The following CSMD1 variants were observed in gnomAD, a reference collection of about 807,000 sequenced individuals.
The protein encoded by CSMD1 is CUB and sushi domain-containing protein 1.
In CSMD1, 213 loss-of-function variants were observed where a neutral mutation model predicts 417.5. That is an observed-to-expected ratio of 0.51 (90% confidence interval 0.46 to 0.57). The LOEUF is 0.57. Among genes scored for constraint, CSMD1 ranks in the 20% least tolerant of loss-of-function variants. CSMD1 has a pLI of 0.00. For synonymous variants in CSMD1, 2,862 were observed against 1,736.8 expected, an observed-to-expected ratio of 1.65 and a Z score of -16.11; for missense variants, 6,923 against 4,529.7, an observed-to-expected ratio of 1.53 and a Z score of -15.17.
chr8:4,951,586 A>T (rs1808752027), intron 1 of CSMD1, among the ~76,000 whole-genome samples: 2 of 134,758 alleles, frequency 1.5e-5, no homozygotes, highest in African/African-American at 5.0e-5. Context: ...AAGAAGCAAA[A>T]AAAAAAGAAA....
At chr8:4,164,598 T>C (rs1187540907) in intron 3 of CSMD1, among the ~76,000 whole-genome samples, 3 of 152,150 alleles carry the variant, frequency 2.0e-5, no homozygotes, top group Non-Finnish European at 4.4e-5. Context: ...ATAGTAGTAA[T>C]TTATTTAGGT....
intron 3 of CSMD1, among the ~76,000 whole-genome samples, chr8:4,183,449 G>T (rs927468639): frequency 1.3e-5 from 2 of 152,122 alleles, no homozygotes; most frequent in Non-Finnish European, 2.9e-5. Flanking sequence ...ATAATTTTTA[G>T]CCCCTCAATG....
chr8:4,929,636 G>A (rs1271990264), intron 1 of CSMD1, among the ~76,000 whole-genome samples: 1 of 152,060 alleles, frequency 6.6e-6, no homozygotes, highest in Admixed American at 6.5e-5. Context: ...ATTTTCATCT[G>A]ATTCAATTAA....
intron 2 of CSMD1, among the ~76,000 whole-genome samples, chr8:4,604,834 G>A (rs997283022): frequency 6.6e-6 from 1 of 152,198 alleles, no homozygotes; most frequent in African/African-American, 2.4e-5. Context: ...CCAAGGATCT[G>A]TCAGTATAGT....
intron 2 of CSMD1, among the ~76,000 whole-genome samples, chr8:4,508,497 CT>C (rs770888901): frequency 6.6e-6 from 1 of 152,084 alleles, no homozygotes; most frequent in Non-Finnish European, 1.5e-5. Context: ...TATTTTCTTT[CT>C]TTTTAATAAA....
At chr8:2,983,532 A>G (rs1805604008) in intron 54 of CSMD1, among the ~76,000 whole-genome samples, 1 of 152,166 alleles carries the variant, frequency 6.6e-6, no homozygotes, top group African/African-American at 2.4e-5. Flanking sequence ...ATTAAAATGT[A>G]TTACTTAACG....
intron 7 of CSMD1, among the ~76,000 whole-genome samples, chr8:3,657,705 G>A (rs1798201410): frequency 6.6e-6 from 1 of 152,136 alleles, no homozygotes; most frequent in East Asian, 1.9e-4. Flanking sequence ...GTGGGTAGGG[G>A]GCTAGGGGAG....
chr8:3,460,090 G>T (rs1279713244), intron 12 of CSMD1, among the ~76,000 whole-genome samples: 8 of 152,158 alleles, frequency 5.3e-5, no homozygotes, highest in African/African-American at 1.7e-4. Flanking sequence ...CTCCTGGGAA[G>T]AAAGGCAATT....
At chr8:3,833,744 A>C (rs896225748) in intron 5 of CSMD1, among the ~76,000 whole-genome samples, 4 of 152,138 alleles carry the variant, frequency 2.6e-5, no homozygotes, top group Admixed American at 2.6e-4. Flanking sequence ...TTACATGGAT[A>C]ATTTTTAAAA....
chr8:4,859,498 C>G (rs542780740), intron 1 of CSMD1, among the ~76,000 whole-genome samples: 1 of 152,088 alleles, frequency 6.6e-6, no homozygotes, highest in Non-Finnish European at 1.5e-5. Context: ...AGAAAATTCT[C>G]GCAACCTACT....
chr8:4,571,797 G>T (rs370693209), intron 2 of CSMD1, among the ~76,000 whole-genome samples: 1 of 152,122 alleles, frequency 6.6e-6, no homozygotes, highest in Non-Finnish European at 1.5e-5. Context: ...CTTGCTTTCC[G>T]AATCTGGGGG....
At chr8:4,933,222 T>C (rs1235962219) in intron 1 of CSMD1, among the ~76,000 whole-genome samples, 3 of 152,138 alleles carry the variant, frequency 2.0e-5, no homozygotes, top group Admixed American at 6.6e-5. Context: ...CTGAATCATG[T>C]TTTCCCACTA....
chr8:4,946,851 C>A (rs1055782726), intron 1 of CSMD1, among the ~76,000 whole-genome samples: 3 of 152,074 alleles, frequency 2.0e-5, no homozygotes, highest in African/African-American at 7.2e-5. Flanking sequence ...TTTATTTTGA[C>A]ATAAGATTTT....
At chr8:4,029,266 G>A (rs982658714) in intron 4 of CSMD1, among the ~76,000 whole-genome samples, 1 of 152,146 alleles carries the variant, frequency 6.6e-6, no homozygotes, top group African/African-American at 2.4e-5. Context: ...TTGGATATTT[G>A]GGGGATATAA....
intron 3 of CSMD1, among the ~76,000 whole-genome samples, chr8:4,324,763 C>T (rs1414563717): frequency 6.6e-6 from 1 of 152,230 alleles, no homozygotes; most frequent in South Asian, 2.1e-4. Context: ...GTTTCAGCCC[C>T]ATAAACAAAC....
intron 2 of CSMD1, among the ~76,000 whole-genome samples, chr8:4,597,836 C>G (rs73186976): frequency 6.6e-6 from 1 of 152,060 alleles, no homozygotes; most frequent in African/African-American, 2.4e-5. Flanking sequence ...TGCTTGTCCC[C>G]CAAACTCACA....
chr8:3,880,348 G>C (rs1036650285), intron 5 of CSMD1, among the ~76,000 whole-genome samples: 1 of 151,934 alleles, frequency 6.6e-6, no homozygotes, highest in African/African-American at 2.4e-5. Flanking sequence ...GTTCTTTATT[G>C]TTAATTGACA....
At chr8:3,396,151 T>G (rs372255599) in intron 17 of CSMD1, 43 bp downstream of exon 17, 3 of 1,507,554 alleles carry the variant, frequency 2.0e-6, no homozygotes, top group African/African-American at 1.4e-5. Context: ...AGTTCTCCCA[T>G]GCATGCTGCC....
chr8:4,558,477 A>T (rs1470912137), intron 2 of CSMD1, among the ~76,000 whole-genome samples: 1 of 152,214 alleles, frequency 6.6e-6, no homozygotes, highest in Non-Finnish European at 1.5e-5. Context: ...CTTCAAAGTA[A>T]CAGGTAAGTA....
Sources: allele counts gnomAD v4.1 joint callset (sites outside exome capture counted in the v4.1 genomes callset), GRCh38; gene constraint gnomAD v4.1.1; transcripts MANE v1.5; gene names NCBI Gene and HGNC (gene_info 2026-07-23, HGNC 2026-07-21).